The following ANKS1B variants were observed in gnomAD, a reference collection of about 807,000 sequenced individuals.
The protein encoded by ANKS1B is ankyrin repeat and sterile alpha motif domain-containing protein 1B.
Under a neutral mutation model 148.3 loss-of-function variants are expected in ANKS1B, and 36 were observed. The ratio of observed to expected loss-of-function variants is 0.24; its 90% CI spans 0.19 to 0.32. The LOEUF is 0.32. Ranked by LOEUF, ANKS1B falls within the 10% of genes least tolerant of loss-of-function variation. The pLI is 1.00. For missense variants in ANKS1B, 1,157 were observed against 1,542.6 expected (o/e 0.75, Z 4.19); for synonymous variants, 542 against 560.8 (o/e 0.97, Z 0.47).
At chr12:99,495,344 T>A (rs1184361731) in intron 10 of ANKS1B, among the ~76,000 whole-genome samples, 1 of 111,646 alleles carries the variant, frequency 9.0e-6, no homozygotes, top group African/African-American at 3.9e-5. Context: ...GGAGAAAAAG[T>A]GTGTGTGTGT....
chr12:98,919,957 A>T (rs1366074442), intron 17 of ANKS1B, among the ~76,000 whole-genome samples: 1 of 152,252 alleles, frequency 6.6e-6, no homozygotes, highest in Non-Finnish European at 1.5e-5. Flanking sequence ...CACTAATTCA[A>T]CACTGAGTTC....
chr12:99,317,894 A>ATG (rs1566879430), intron 12 of ANKS1B, among the ~76,000 whole-genome samples: 1 of 152,190 alleles, frequency 6.6e-6, no homozygotes, highest in Admixed American at 6.5e-5. Context: ...AATTTTGTCA[A>ATG]AGGCCTTTTC....
At chr12:99,856,630 T>G (rs2089144823) in intron 1 of ANKS1B, among the ~76,000 whole-genome samples, 2 of 151,792 alleles carry the variant, frequency 1.3e-5, no homozygotes, top group Admixed American at 6.6e-5. Context: ...CACAAAAATC[T>G]GTAACAAAAT....
chr12:99,944,040 C>T (rs2094990369), intron 1 of ANKS1B, among the ~76,000 whole-genome samples: 1 of 151,944 alleles, frequency 6.6e-6, no homozygotes, highest in Admixed American at 6.6e-5. Context: ...GCTCCTTCTC[C>T]TATAAATCCT....
chr12:99,068,642 T>C (rs1424090551), intron 16 of ANKS1B, among the ~76,000 whole-genome samples: 2 of 151,708 alleles, frequency 1.3e-5, no homozygotes, highest in African/African-American at 4.8e-5. Flanking sequence ...TAAGTGATTG[T>C]ATGTGTGCTT....
chr12:99,358,573 G>A (rs763532705), intron 12 of ANKS1B, among the ~76,000 whole-genome samples: 19 of 151,916 alleles, frequency 1.3e-4, no homozygotes, highest in Non-Finnish European at 2.4e-4. Flanking sequence ...TACTTTCCAT[G>A]GATATCTAGA....
At chr12:99,213,637 G>A (rs1389978904) in intron 14 of ANKS1B, among the ~76,000 whole-genome samples, 1 of 152,180 alleles carries the variant, frequency 6.6e-6, no homozygotes, top group Non-Finnish European at 1.5e-5. Context: ...TGAACTATTT[G>A]CAAGTGCCAA....
intron 14 of ANKS1B, among the ~76,000 whole-genome samples, chr12:99,220,021 A>T (rs186436334): frequency 1.5e-4 from 23 of 152,310 alleles, no homozygotes; most frequent in African/African-American, 5.5e-4. Flanking sequence ...ACTTTTTGAG[A>T]TGGAATCTTG....
intron 20 of ANKS1B, 93 bp downstream of exon 20, chr12:98,807,751 G>T (rs1325866872): frequency 9.8e-7 from 1 of 1,021,336 alleles, no homozygotes; most frequent in Non-Finnish European, 1.4e-6. Flanking sequence ...TTTCTGCATT[G>T]CCAGGACACA....
chr12:99,419,325 T>C (rs919009134), intron 11 of ANKS1B, among the ~76,000 whole-genome samples: 4 of 152,210 alleles, frequency 2.6e-5, no homozygotes, highest in Non-Finnish European at 1.5e-5. Context: ...ACATATTGGG[T>C]AAATTGTGGT....
chr12:99,456,940 C>CA (rs199759743), intron 10 of ANKS1B, among the ~76,000 whole-genome samples: 306 of 152,202 alleles, frequency 2.0e-3, no homozygotes, highest in Middle Eastern at 6.8e-3. Flanking sequence ...AAATTCATCA[C>CA]AAAAAGATCA....
intron 9 of ANKS1B, among the ~76,000 whole-genome samples, chr12:98,738,250 T>C (rs1327380659): frequency 6.6e-6 from 1 of 152,354 alleles, no homozygotes; most frequent in Non-Finnish European, 1.5e-5. Flanking sequence ...AATGAGTCAC[T>C]GGTGTTCTTT....
intron 8 of ANKS1B, among the ~76,000 whole-genome samples, chr12:99,704,955 A>T (rs1276486392): frequency 6.6e-6 from 1 of 152,100 alleles, no homozygotes; most frequent in African/African-American, 2.4e-5. Context: ...AACTACAGTA[A>T]CAAAATTCTG....
intron 17 of ANKS1B, among the ~76,000 whole-genome samples, chr12:98,957,310 A>ATT (rs2099863904): frequency 1.5e-5 from 2 of 135,830 alleles, no homozygotes; most frequent in Non-Finnish European, 3.2e-5. Context: ...ATTTTTTTTA[A>ATT]ATATTTATTT....
At chr12:99,001,189 G>A (rs1259651424) in intron 17 of ANKS1B, among the ~76,000 whole-genome samples, 1 of 151,994 alleles carries the variant, frequency 6.6e-6, no homozygotes, top group Non-Finnish European at 1.5e-5. Flanking sequence ...GGCTGGAGTG[G>A]TGGCGCCATC....
At chr12:99,138,526 G>C (rs1482888773) in intron 15 of ANKS1B, among the ~76,000 whole-genome samples, 1 of 152,172 alleles carries the variant, frequency 6.6e-6, no homozygotes, top group Non-Finnish European at 1.5e-5. Context: ...CGCCTTTGCT[G>C]TCTGTGTGAT....
intron 14 of ANKS1B, among the ~76,000 whole-genome samples, chr12:99,243,469 C>T (rs1461972135): frequency 2.6e-5 from 4 of 152,274 alleles, no homozygotes; most frequent in East Asian, 1.9e-4. Flanking sequence ...GACAGTGTGG[C>T]GATTCCTCAA....
intron 17 of ANKS1B, among the ~76,000 whole-genome samples, chr12:98,894,436 C>T (rs1009443354): frequency 6.6e-6 from 1 of 152,018 alleles, no homozygotes; most frequent in Admixed American, 6.5e-5. Context: ...AAAAAAAAAG[C>T]CCCCCTCCCG....
At chr12:98,909,174 T>C (rs2099783395) in intron 17 of ANKS1B, among the ~76,000 whole-genome samples, 1 of 152,206 alleles carries the variant, frequency 6.6e-6, no homozygotes, top group Non-Finnish European at 1.5e-5. Flanking sequence ...ATAACAGCAG[T>C]ATATTGTTAT....
Sources: allele counts gnomAD v4.1 joint callset (sites outside exome capture counted in the v4.1 genomes callset), GRCh38; gene constraint gnomAD v4.1.1; transcripts MANE v1.5; gene names NCBI Gene and HGNC (gene_info 2026-07-23, HGNC 2026-07-21).